Variants in HNF1B observed in about 807,000 individuals in gnomAD.
HNF1B encodes hepatocyte nuclear factor 1-beta.
HNF1B carries 8 observed loss-of-function variants against 61.7 expected under a neutral mutation model. That is an observed-to-expected ratio of 0.13 (90% CI 0.08 to 0.23). The LOEUF is 0.23. Ranked by LOEUF, HNF1B falls within the 10% of genes least tolerant of loss-of-function variation. The probability of loss-of-function intolerance (pLI) is 1.00; values close to 1 mark genes in which losing one functional copy is unlikely to be tolerated. For missense variants in HNF1B, 562 were observed against 714.5 expected, an observed-to-expected ratio of 0.79 and a Z score of 2.43; for synonymous variants, 314 against 287.7, an observed-to-expected ratio of 1.09 and a Z score of -0.93.
intron 8 of HNF1B, among the ~76,000 whole-genome samples, chr17:37,692,845 T>A (rs1013506665): frequency 6.6e-6 from 1 of 152,138 alleles, no homozygotes; most frequent in Non-Finnish European, 1.5e-5. Context: ...AGACATTTTC[T>A]TCTCCCAGCC....
intron 8 of HNF1B, among the ~76,000 whole-genome samples, chr17:37,693,850 T>G (rs2032287601): frequency 6.6e-6 from 1 of 152,216 alleles, no homozygotes; most frequent in Admixed American, 6.5e-5. Context: ...TCGCTCAAGT[T>G]AATTCACACA....
chr17:37,734,662 G>C (rs2033782663), intron 2 of HNF1B, among the ~76,000 whole-genome samples: 2 of 152,106 alleles, frequency 1.3e-5, no homozygotes, highest in Admixed American at 6.5e-5. Context: ...CATGAAGCAG[G>C]GCTCATCAGG....
At position 37,744,692 on chromosome 17, in the gene HNF1B, G is replaced by A. The variant is rs1336990799; in HGVS notation, c.193C>T (p.Leu65Phe). ...CGGCCCTTGGCGTGGCCGTTGGTGA[G>A]AGTATGGAAGACCGGCTTGGTGTCG... is the stretch of plus-strand genomic sequence containing the variant. ...EPDTKPVFHTLTNGHAKGRLS... is the reference protein window; with the variant it reads ...EPDTKPVFHTFTNGHAKGRLS... Residue 65 changes from leucine to phenylalanine, a missense_variant, in exon 1 of 9, where the codon CTC (leucine) becomes TTC (phenylalanine). By Grantham distance (22) the Leu-to-Phe change is conservative. Transcript: ENST00000617811. 1 of 1,613,556 alleles carries A rather than the reference G, an allele frequency of 6.2e-7. No individual in the cohort carries two copies. Among genetic ancestry groups the A allele is most frequent in the Non-Finnish European group, 8.5e-7 (1 of 1,180,044 alleles).
chr17:37,723,175 TA>T (rs549820938), intron 4 of HNF1B, among the ~76,000 whole-genome samples: 7,209 of 140,952 alleles, frequency 0.051, 184 homozygotes, highest in South Asian at 0.1. Flanking sequence ...CCGTCTCTAC[TA>T]AAAAAAAAAA....
At position 37,710,483 on chromosome 17, in the gene HNF1B, A is replaced by C; in HGVS notation, c.1206+20T>G. 1 of 1,614,112 alleles carries C rather than the reference A, an allele frequency of 6.2e-7. No homozygotes were observed. The highest frequency in any genetic ancestry group is 1.3e-5 in the African/African-American group (1 of 75,040). ...CTTATCTTATCAGCTCCAGAGCGACAATGGCCCAGGTGTACTCACCATTTT... is the reference window on the plus strand; with the variant it reads ...CTTATCTTATCAGCTCCAGAGCGACCATGGCCCAGGTGTACTCACCATTTT... On this transcript the variant is annotated intron_variant, in intron 5 of 8. Transcript: ENST00000617811.
chr17:37,731,446 C>T (rs754116636), intron 4 of HNF1B, 149 bp downstream of exon 4: 1 of 739,684 alleles, frequency 1.4e-6, no homozygotes. Flanking sequence ...CACATTATTT[C>T]CAGGGGAGTA....
In HNF1B at chr17:37,699,039, C is replaced by A. The variant is rs1020061719; in HGVS notation, c.1653+37G>T. 6 of 1,467,860 alleles carry A rather than the reference C, an allele frequency of 4.1e-6. No individual in the cohort carries two copies. In the Admixed American group the frequency reaches 1.0e-4, roughly 25 times the overall value. 90.9% of individuals were successfully genotyped at this position (1,467,860 alleles called of 1,614,324 possible). A position where few individuals can be genotyped will look rare whatever the true frequency, so the allele number is the denominator to read the frequency against. ...ACATCCATGGCCTTATCACACCCTG[C>A]CCACACCCCAACCCCCGCAAATCCT... On this transcript the variant is annotated intron_variant, in intron 8 of 8. Transcript: ENST00000617811.
At chr17:37,732,980 T>C (rs2033733438) in intron 3 of HNF1B, among the ~76,000 whole-genome samples, 1 of 152,064 alleles carries the variant, frequency 6.6e-6, no homozygotes, top group Non-Finnish European at 1.5e-5. Flanking sequence ...CGTGCCTGGC[T>C]GGTAGTTAAC....
chr17:37,693,538 G>A (rs934052028), intron 8 of HNF1B, among the ~76,000 whole-genome samples: 1 of 152,144 alleles, frequency 6.6e-6, no homozygotes, highest in Admixed American at 6.5e-5. Context: ...CAGGGTGCAC[G>A]CTAATTGCCC....
intron 4 of HNF1B, among the ~76,000 whole-genome samples, chr17:37,723,271 C>A (rs1397241450): frequency 1.1e-4 from 17 of 151,724 alleles, no homozygotes; most frequent in Non-Finnish European, 2.4e-4. Flanking sequence ...GGCGTGAACC[C>A]GGGAGGCGGA....
At chr17:37,728,336 T>C (rs2033572719) in intron 4 of HNF1B, among the ~76,000 whole-genome samples, 1 of 147,850 alleles carries the variant, frequency 6.8e-6, no homozygotes, top group South Asian at 2.1e-4. Flanking sequence ...AGACGGAGTC[T>C]CGCTCTGTCA....
chr17:37,689,594 T>C (rs1190981803), intron 8 of HNF1B, among the ~76,000 whole-genome samples: 1 of 152,246 alleles, frequency 6.6e-6, no homozygotes, highest in African/African-American at 2.4e-5. Flanking sequence ...TGTGGTCCCT[T>C]AGAACTGGAG....
chr17:37,732,951 G>A (rs1253066536), intron 3 of HNF1B, among the ~76,000 whole-genome samples: 1 of 152,118 alleles, frequency 6.6e-6, no homozygotes, highest in African/African-American at 2.4e-5. Context: ...AAAGTGCTGG[G>A]ATTATAAGTG....
At chr17:37,726,744 C>T (rs1001130470) in intron 4 of HNF1B, among the ~76,000 whole-genome samples, 3 of 152,106 alleles carry the variant, frequency 2.0e-5, no homozygotes, top group African/African-American at 4.8e-5. Context: ...TAGAGTTCAG[C>T]GAAAGGGAGG....
At chr17:37,711,418 T>C (rs1406052811) in intron 4 of HNF1B, among the ~76,000 whole-genome samples, 1 of 152,218 alleles carries the variant, frequency 6.6e-6, no homozygotes, top group African/African-American at 2.4e-5. Flanking sequence ...AGTAAACCAC[T>C]GGAGTTTGCT....
At chr17:37,725,476 T>C (rs2033465949) in intron 4 of HNF1B, among the ~76,000 whole-genome samples, 1 of 152,214 alleles carries the variant, frequency 6.6e-6, no homozygotes, top group Non-Finnish European at 1.5e-5. Flanking sequence ...CCTGATTGTC[T>C]TCCCCAACCC....
At chr17:37,728,191 G>A (rs966347468) in intron 4 of HNF1B, among the ~76,000 whole-genome samples, 5 of 151,190 alleles carry the variant, frequency 3.3e-5, no homozygotes, top group African/African-American at 1.2e-4. Context: ...TAGTAGAGAT[G>A]GGGTTTCACC....
At position 37,744,785 on chromosome 17, in the gene HNF1B, G is replaced by A. The variant is rs373201245; in HGVS notation, c.100C>T (p.Leu34=). The A allele has an allele frequency of 1.4e-5, 22 of 1,613,620 alleles. 1 individual carries two copies. The South Asian group carries it at 1.4e-4, about 10-fold the overall frequency. Residue 34 remains leucine, a synonymous_variant, in exon 1 of 9, where the codon CTG becomes TTG. Transcript: ENST00000617811. ...EVLVQALEEL[L]PSPNFGVKLE... ...TTCACCCCGAAGTTCGGGGATGGCA[G>A]CAACTCCTCCAAGGCCTGAACCAGC... is the stretch of plus-strand genomic sequence containing the variant.
At chr17:37,696,731 T>A (rs2032398583) in intron 8 of HNF1B, among the ~76,000 whole-genome samples, 1 of 152,216 alleles carries the variant, frequency 6.6e-6, no homozygotes, top group Non-Finnish European at 1.5e-5. Flanking sequence ...AATTTGAAAT[T>A]CCTGTTGGAA....
Sources: gnomAD v4.1 joint callset for allele counts (sites outside exome capture counted in the v4.1 genomes callset) on GRCh38, gnomAD v4.1.1 for gene constraint, MANE v1.5 for transcripts, NCBI Gene and HGNC (gene_info 2026-07-23, HGNC 2026-07-21) for gene names.